The following DNAJC6 variants were observed in gnomAD, a reference collection of about 807,000 sequenced individuals.
DNAJC6 encodes DnaJ heat shock protein family (Hsp40) member C6.
A neutral mutation model predicts 110.0 loss-of-function variants in DNAJC6; 34 were observed. That is an observed-to-expected ratio of 0.31 (90% CI 0.24 to 0.41). DNAJC6 has a LOEUF of 0.41. Among genes scored for constraint, DNAJC6 ranks in the 10% least tolerant of loss-of-function variants. The pLI is 1.00. For missense variants in DNAJC6, 1,031 were observed against 1,207.8 expected, an observed-to-expected ratio of 0.85 and a Z score of 2.17; for synonymous variants, 406 against 437.2, an observed-to-expected ratio of 0.93 and a Z score of 0.89.
At chr1:65,316,643 A>G (rs539822017) in intron 1 of DNAJC6, among the ~76,000 whole-genome samples, 16 of 152,366 alleles carry the variant, frequency 1.1e-4, no homozygotes, top group Admixed American at 2.6e-4. Flanking sequence ...TTATAATGAA[A>G]TATGCCCATC....
Position 65,365,979 on chromosome 1 carries a change from G to A in DNAJC6, c.394+45G>A, listed in dbSNP as rs756225703. Reference sequence around the variant, plus strand: ...TAACAGTCCTTTGGCTCAGTTTCCCGTTGCTGCCCATCGTTATAGCAGACG... The same window carrying A: ...TAACAGTCCTTTGGCTCAGTTTCCCATTGCTGCCCATCGTTATAGCAGACG... On this transcript the variant is annotated intron_variant, in intron 3 of 18. Transcript: ENST00000371069. The A allele has an allele frequency of 2.2e-5, 35 of 1,612,414 alleles. No individual in the cohort carries two copies. In the Middle Eastern group the frequency reaches 4.9e-4, roughly 23 times the overall value.
At chr1:65,302,148 T>C (rs1644990289) in intron 1 of DNAJC6, among the ~76,000 whole-genome samples, 2 of 141,742 alleles carry the variant, frequency 1.4e-5, no homozygotes, top group African/African-American at 5.2e-5. Context: ...ATACGTATTA[T>C]ATATATTTAT....
At chr1:65,361,805 G>T (rs1645599881) in intron 1 of DNAJC6, among the ~76,000 whole-genome samples, 1 of 152,144 alleles carries the variant, frequency 6.6e-6, no homozygotes, top group African/African-American at 2.4e-5. Flanking sequence ...ATAATCTAGA[G>T]AGAGTCTTAT....
chr1:65,345,565 A>G, intron 1 of DNAJC6: 1 of 697,858 alleles, frequency 1.4e-6, no homozygotes, highest in Non-Finnish European at 1.8e-6. Flanking sequence ...TAATCACAAC[A>G]CGCTAGTACT....
intron 4 of DNAJC6, among the ~76,000 whole-genome samples, chr1:65,370,860 C>T (rs1393465767): frequency 2.6e-5 from 4 of 152,132 alleles, no homozygotes; most frequent in African/African-American, 9.7e-5. Context: ...CCTGAGCACA[C>T]CAAAGAGGTC....
intron 8 of DNAJC6, among the ~76,000 whole-genome samples, chr1:65,388,084 G>A (rs1332925440): frequency 2.0e-5 from 3 of 152,174 alleles, no homozygotes; most frequent in African/African-American, 4.8e-5. Context: ...GCAATGAGTC[G>A]AAGTATGCCT....
chr1:65,369,311 A>G (rs1202635792), intron 4 of DNAJC6, among the ~76,000 whole-genome samples: 1 of 152,160 alleles, frequency 6.6e-6, no homozygotes, highest in Non-Finnish European at 1.5e-5. Flanking sequence ...TGATTTGCCT[A>G]CATCTCTTTT....
chr1:65,317,443 G>A lies in DNAJC6; in HGVS notation c.193+7505G>A, dbSNP rs148267834. ...TAGTTGCTTTATCCCACATGTCACA[G>A]GCCATAGTCTAGATGCAAAAAATAT... On this transcript the variant is annotated intron_variant, in intron 1 of 18. Coordinates refer to ENST00000371069, the MANE Select transcript of DNAJC6 (RefSeq NM_001256864.2). Among the ~76,000 whole-genome samples the A allele has an allele frequency of 3.0e-3, 458 of 152,294 alleles. 2 individuals are homozygous for A. The highest frequency in any genetic ancestry group is 0.011 in the African/African-American group (440 of 41,558).
chr1:65,278,169 A>G (rs1353791997), intron 1 of DNAJC6, among the ~76,000 whole-genome samples: 2 of 152,138 alleles, frequency 1.3e-5, no homozygotes, highest in Non-Finnish European at 2.9e-5. Context: ...TGTCATTCTC[A>G]TGTGCTTCAT....
At chr1:65,290,595 T>C (rs1644862414) in intron 1 of DNAJC6, among the ~76,000 whole-genome samples, 1 of 152,208 alleles carries the variant, frequency 6.6e-6, no homozygotes, top group African/African-American at 2.4e-5. Flanking sequence ...AAACTATCTA[T>C]GTGATCTTCG....
chr1:65,354,227 A>C (rs1298599317), intron 1 of DNAJC6, among the ~76,000 whole-genome samples: 1 of 152,182 alleles, frequency 6.6e-6, no homozygotes, highest in Non-Finnish European at 1.5e-5. Flanking sequence ...GAATGGAGGC[A>C]TGAGAGACAA....
intron 4 of DNAJC6, among the ~76,000 whole-genome samples, chr1:65,375,917 G>A (rs781414300): frequency 2.6e-5 from 4 of 152,180 alleles, no homozygotes; most frequent in Admixed American, 2.6e-4. Flanking sequence ...GAGTTCGAAA[G>A]TATTTCCTCT....
At chr1:65,398,165 T>G (rs112380894) in intron 13 of DNAJC6, among the ~76,000 whole-genome samples, 5 of 152,256 alleles carry the variant, frequency 3.3e-5, no homozygotes, top group African/African-American at 1.2e-4. Context: ...TTTGGAACTT[T>G]GAGGGGGGGT....
chr1:65,287,758 C>T (rs1262645795), intron 1 of DNAJC6, among the ~76,000 whole-genome samples: 2 of 152,014 alleles, frequency 1.3e-5, no homozygotes, highest in Non-Finnish European at 2.9e-5. Flanking sequence ...TGCATGCTAC[C>T]ATACCTGGCT....
At chr1:65,386,720 CT>C (rs1645876510) in intron 7 of DNAJC6, 91 bp from the exon 8 acceptor site, 1 of 1,146,334 alleles carries the variant, frequency 8.7e-7, no homozygotes, top group Non-Finnish European at 1.3e-6. Flanking sequence ...GAACAGTCCT[CT>C]GGGCCAGAGC....
chr1:65,315,227 T>C (rs949092211), intron 1 of DNAJC6, among the ~76,000 whole-genome samples: 2 of 152,192 alleles, frequency 1.3e-5, no homozygotes, highest in Non-Finnish European at 2.9e-5. Context: ...AAGTTCCACA[T>C]GCTTTTTTCT....
Position 65,413,106 on chromosome 1 carries a change from C to A in DNAJC6, c.*81C>A. On this transcript the variant is annotated 3_prime_UTR_variant, in exon 19 of 19. Coordinates refer to ENST00000371069, the MANE Select transcript of DNAJC6 (RefSeq NM_001256864.2). ...CAATTCTGAGGTTTTCGCAGATGAA[C>A]CAAAAACTCCAGTAACATGTTTTCA... 1 of 1,157,130 alleles carries A rather than the reference C, an allele frequency of 8.6e-7. No individual in the cohort carries two copies. The highest frequency in any genetic ancestry group is 1.3e-6 in the Non-Finnish European group (1 of 790,748). 71.7% of individuals were successfully genotyped at this position (1,157,130 alleles called of 1,614,324 possible). A position where few individuals can be genotyped will look rare whatever the true frequency, so the allele number is the denominator to read the frequency against.
At chr1:65,276,881 C>G (rs1653691190) in intron 1 of DNAJC6, among the ~76,000 whole-genome samples, 2 of 152,274 alleles carry the variant, frequency 1.3e-5, no homozygotes, top group East Asian at 1.9e-4. Flanking sequence ...TGCCCCTTGC[C>G]TGGCTTTTCA....
intron 4 of DNAJC6, among the ~76,000 whole-genome samples, chr1:65,374,160 A>G (rs1164260609): frequency 6.6e-6 from 1 of 152,274 alleles, no homozygotes; most frequent in Non-Finnish European, 1.5e-5. Flanking sequence ...TTATGCCAGT[A>G]CCATGCTGTT....
Sources: gnomAD v4.1 joint callset for allele counts (sites outside exome capture counted in the v4.1 genomes callset) on GRCh38, gnomAD v4.1.1 for gene constraint, MANE v1.5 for transcripts, NCBI Gene and HGNC (gene_info 2026-07-23, HGNC 2026-07-21) for gene names.